Variants in MGAT4C observed in about 807,000 individuals in gnomAD.
MGAT4C encodes the protein alpha-1,3-mannosyl-glycoprotein 4-beta-N-acetylglucosaminyltransferase C.
MGAT4C carries 19 observed loss-of-function variants against 40.1 expected under a neutral mutation model. That is an observed-to-expected ratio of 0.47 (90% CI 0.33 to 0.70). MGAT4C has a LOEUF of 0.70. Ranked by LOEUF, MGAT4C falls within the 30% of genes least tolerant of loss-of-function variation. The probability of loss-of-function intolerance (pLI) is 0.02; values close to 1 mark genes in which losing one functional copy is unlikely to be tolerated. For synonymous variants in MGAT4C, 181 were observed against 187.1 expected (o/e 0.97, Z 0.27); for missense variants, 491 against 563.2 (o/e 0.87, Z 1.30).
intron 2 of MGAT4C, among the ~76,000 whole-genome samples, chr12:86,450,700 T>C (rs1957411603): frequency 6.6e-6 from 1 of 152,016 alleles, no homozygotes; most frequent in African/African-American, 2.4e-5. Context: ...TGATCAAGCT[T>C]CTTTCTTTTT....
At chr12:86,230,033 G>A (rs540713100) in intron 1 of MGAT4C, among the ~76,000 whole-genome samples, 1 of 151,996 alleles carries the variant, frequency 6.6e-6, no homozygotes, top group African/African-American at 2.4e-5. Context: ...GAAATACTGC[G>A]ATTGCTCCCC....
chr12:86,362,426 T>G (rs1955497019), intron 3 of MGAT4C, among the ~76,000 whole-genome samples: 1 of 151,996 alleles, frequency 6.6e-6, no homozygotes, highest in South Asian at 2.1e-4. Context: ...ACATGGCACA[T>G]ATATGTAGAT....
chr12:86,236,200 T>C (rs117110503), intron 1 of MGAT4C, among the ~76,000 whole-genome samples: 4,232 of 152,072 alleles, frequency 0.028, 76 homozygotes, highest in Non-Finnish European at 0.039. Flanking sequence ...TATAACAATT[T>C]AAAGGTAGAG....
At chr12:86,740,479 G>A (rs2136129576) in intron 1 of MGAT4C, among the ~76,000 whole-genome samples, 1 of 151,178 alleles carries the variant, frequency 6.6e-6, no homozygotes, top group East Asian at 2.0e-4. Context: ...AATAGAGGGT[G>A]CATTTAATTA....
intron 2 of MGAT4C, among the ~76,000 whole-genome samples, chr12:86,598,003 A>G (rs1163443302): frequency 6.6e-6 from 1 of 152,188 alleles, no homozygotes; most frequent in Admixed American, 6.5e-5. Flanking sequence ...AGCTCCATTC[A>G]TGGTAAGTGT....
At chr12:86,593,783 C>G (rs1390323857) in intron 2 of MGAT4C, among the ~76,000 whole-genome samples, 1 of 151,884 alleles carries the variant, frequency 6.6e-6, no homozygotes, top group Non-Finnish European at 1.5e-5. Flanking sequence ...TTTGTCTACC[C>G]TAGTGTTGGG....
At chr12:86,414,906 C>T (rs1041108182) in intron 3 of MGAT4C, among the ~76,000 whole-genome samples, 4 of 152,034 alleles carry the variant, frequency 2.6e-5, no homozygotes, top group Non-Finnish European at 4.4e-5. Context: ...AATGTCCTTT[C>T]TCCCTGCAAA....
intron 1 of MGAT4C, among the ~76,000 whole-genome samples, chr12:86,769,242 A>G (rs1265932118): frequency 6.6e-6 from 1 of 152,206 alleles, no homozygotes; most frequent in Non-Finnish European, 1.5e-5. Flanking sequence ...GAAGACATTT[A>G]TGCAGCCAAA....
At chr12:86,599,475 TA>T (rs1961679560) in intron 2 of MGAT4C, 1 of 152,190 alleles carries the variant, frequency 6.6e-6, no homozygotes, top group Non-Finnish European at 1.5e-5. Flanking sequence ...TAAAACATTT[TA>T]AAGCATTATG....
intron 2 of MGAT4C, among the ~76,000 whole-genome samples, chr12:86,558,640 T>C (rs2136405348): frequency 6.6e-6 from 1 of 152,116 alleles, no homozygotes; most frequent in South Asian, 2.1e-4. Flanking sequence ...CTATAGGAAA[T>C]GCATAAGTGA....
At chr12:86,347,104 T>C (rs1002512970) in intron 3 of MGAT4C, among the ~76,000 whole-genome samples, 1 of 152,096 alleles carries the variant, frequency 6.6e-6, no homozygotes, top group African/African-American at 2.4e-5. Context: ...ACTGGCCTCT[T>C]TGCTCCTTAA....
intron 1 of MGAT4C, among the ~76,000 whole-genome samples, chr12:86,234,338 A>G (rs1188281149): frequency 6.6e-6 from 1 of 152,196 alleles, no homozygotes; most frequent in South Asian, 2.1e-4. Context: ...ATTTTTATAA[A>G]ATGATAGGTA....
chr12:86,348,136 G>T (rs1955079778), intron 3 of MGAT4C, among the ~76,000 whole-genome samples: 1 of 152,082 alleles, frequency 6.6e-6, no homozygotes, highest in Admixed American at 6.6e-5. Context: ...TGAATTAAAT[G>T]ATTTTTATTT....
In MGAT4C at chr12:86,289,195, T is replaced by C. The variant is rs184346643; in HGVS notation, c.-57+44870A>G. Among the ~76,000 whole-genome samples the C allele has an allele frequency of 6.6e-5, 10 of 152,308 alleles. No homozygotes were observed. In the East Asian group the frequency reaches 1.7e-3, roughly 26 times the overall value. ...TCTCCATTTCCTGTTTTTGTCAACT[T>C]TGTTGAAGACTAGATGATTGTAGGC... is the stretch of plus-strand genomic sequence containing the variant. On this transcript the variant is annotated intron_variant, in intron 4 of 7. Transcript: ENST00000548651.
At chr12:86,342,467 C>A (rs1289074145) in intron 3 of MGAT4C, among the ~76,000 whole-genome samples, 1 of 152,168 alleles carries the variant, frequency 6.6e-6, no homozygotes, top group Non-Finnish European at 1.5e-5. Flanking sequence ...CCCTTGCCAT[C>A]CTTGGGCTAA....
intron 2 of MGAT4C, among the ~76,000 whole-genome samples, chr12:86,459,769 G>A (rs1182477320): frequency 6.9e-6 from 1 of 144,374 alleles, no homozygotes; most frequent in Non-Finnish European, 1.5e-5. Flanking sequence ...TTGAGTTAAG[G>A]GGAAGTATCC....
At chr12:86,518,889 T>A (rs1450414416) in intron 2 of MGAT4C, among the ~76,000 whole-genome samples, 2 of 151,914 alleles carry the variant, frequency 1.3e-5, no homozygotes, top group African/African-American at 4.8e-5. Context: ...TTGACACACA[T>A]AAAATGGATG....
intron 2 of MGAT4C, among the ~76,000 whole-genome samples, chr12:86,701,330 G>A (rs1294188193): frequency 6.6e-6 from 1 of 151,668 alleles, no homozygotes; most frequent in Admixed American, 6.6e-5. Context: ...TTATGTCTCT[G>A]TCACATTTTG....
chr12:86,323,224 C>A (rs1592696560), intron 4 of MGAT4C, among the ~76,000 whole-genome samples: 1 of 150,670 alleles, frequency 6.6e-6, no homozygotes, highest in African/African-American at 2.4e-5. Context: ...TCATTGCAAT[C>A]CTAAATAAAT....
Sources: gnomAD v4.1 joint callset for allele counts (sites outside exome capture counted in the v4.1 genomes callset) on GRCh38, gnomAD v4.1.1 for gene constraint, MANE v1.5 for transcripts, NCBI Gene and HGNC (gene_info 2026-07-23, HGNC 2026-07-21) for gene names.